Variants in GALNTL6 observed in about 807,000 individuals in gnomAD.
GALNTL6 encodes the protein polypeptide N-acetylgalactosaminyltransferase-like 6.
Under a neutral mutation model 73.7 loss-of-function variants are expected in GALNTL6, and 46 were observed. That is an observed-to-expected ratio of 0.62 (90% CI 0.49 to 0.80). The LOEUF (loss-of-function observed/expected upper bound fraction) is 0.80, where lower values mean the gene tolerates loss of function less well. GALNTL6 is among the 30% of genes least tolerant of loss of function. The pLI is 0.00. For missense variants in GALNTL6, 604 were observed against 755.0 expected (o/e 0.80, Z 2.34); for synonymous variants, 259 against 263.7 (o/e 0.98, Z 0.17).
intron 7 of GALNTL6, among the ~76,000 whole-genome samples, chr4:172,843,806 C>T (rs1743345055): frequency 6.6e-6 from 1 of 152,176 alleles, no homozygotes; most frequent in Non-Finnish European, 1.5e-5. Flanking sequence ...CACCTGCAAT[C>T]CCAGGACTTT....
At chr4:171,868,535 A>G (rs1389504983) in intron 2 of GALNTL6, among the ~76,000 whole-genome samples, 4 of 152,164 alleles carry the variant, frequency 2.6e-5, no homozygotes, top group Non-Finnish European at 5.9e-5. Flanking sequence ...TGACACAAAT[A>G]TCCAGCAGCA....
At chr4:172,494,508 G>A (rs338006) in intron 5 of GALNTL6, among the ~76,000 whole-genome samples, 150,673 of 152,294 alleles carry the variant, frequency 0.99, 74,556 homozygotes, top group Middle Eastern at 1. Flanking sequence ...ATATGAAGGG[G>A]AGTTTATTGA....
At chr4:172,627,118 T>A (rs1298231492) in intron 5 of GALNTL6, among the ~76,000 whole-genome samples, 1 of 152,152 alleles carries the variant, frequency 6.6e-6, no homozygotes, top group Non-Finnish European at 1.5e-5. Flanking sequence ...TTCAATATGA[T>A]GTTGGCTGTG....
intron 5 of GALNTL6, among the ~76,000 whole-genome samples, chr4:172,438,053 TTTCTACTAA>T (rs1204621905): frequency 6.6e-6 from 1 of 152,148 alleles, no homozygotes; most frequent in Admixed American, 6.6e-5. Context: ...TCTCCCACTA[TTTCTACTAA>T]TTGTGGTGTT....
intron 2 of GALNTL6, among the ~76,000 whole-genome samples, chr4:172,094,941 G>GT (rs1732308145): frequency 6.9e-6 from 1 of 144,300 alleles, no homozygotes. Context: ...AAATCCCATA[G>GT]TTTTTTGTTT....
intron 2 of GALNTL6, among the ~76,000 whole-genome samples, chr4:172,011,067 G>A (rs1466724271): frequency 1.3e-5 from 2 of 151,984 alleles, no homozygotes; most frequent in Admixed American, 1.3e-4. Context: ...ATTTTAATTT[G>A]CACAACAAAT....
intron 5 of GALNTL6, among the ~76,000 whole-genome samples, chr4:172,364,424 A>C (rs1317681419): frequency 6.6e-6 from 1 of 152,110 alleles, no homozygotes; most frequent in Non-Finnish European, 1.5e-5. Flanking sequence ...TCTCTAAAAC[A>C]AACAAATTAA....
chr4:172,116,754 A>G (rs920233695), intron 2 of GALNTL6, among the ~76,000 whole-genome samples: 4 of 152,212 alleles, frequency 2.6e-5, no homozygotes, highest in African/African-American at 7.2e-5. Context: ...AAAGTGCATT[A>G]CAGTTTTTAA....
At chr4:172,834,123 CAATAAA>C (rs767491122) in intron 7 of GALNTL6, among the ~76,000 whole-genome samples, 11 of 152,028 alleles carry the variant, frequency 7.2e-5, no homozygotes, top group Non-Finnish European at 1.2e-4. Context: ...ATCTCAAAAA[CAATAAA>C]AATAAAAATA....
intron 5 of GALNTL6, among the ~76,000 whole-genome samples, chr4:172,490,114 T>C (rs1200654913): frequency 6.6e-6 from 1 of 152,136 alleles, no homozygotes; most frequent in African/African-American, 2.4e-5. Context: ...CTCAGGGTTT[T>C]TAAATGGATG....
chr4:173,010,136 C>A lies in GALNTL6; in HGVS notation c.1488+842C>A, dbSNP rs1306827174. Among the ~76,000 whole-genome samples, 30 of 152,112 alleles carry A rather than the reference C, an allele frequency of 2.0e-4. 1 individual carries two copies. The highest frequency in any genetic ancestry group is 3.7e-4 in the Non-Finnish European group (25 of 68,026). The stretch of plus-strand genomic sequence containing the variant: ...TTTTGTACCCATTTAGCATCCCCAC[C>A]TCCCACTCCCCACCTCACACCCTCC... On this transcript the variant is annotated intron_variant, in intron 11 of 12. Transcript: ENST00000506823.
At chr4:172,420,577 C>T (rs1297527568) in intron 5 of GALNTL6, among the ~76,000 whole-genome samples, 1 of 152,146 alleles carries the variant, frequency 6.6e-6, no homozygotes, top group Non-Finnish European at 1.5e-5. Flanking sequence ...TGAGCCTCAA[C>T]ATGATGGTAG....
At chr4:172,084,415 GATGACCATATT>G (rs1731967579) in intron 2 of GALNTL6, among the ~76,000 whole-genome samples, 1 of 152,106 alleles carries the variant, frequency 6.6e-6, no homozygotes, top group Non-Finnish European at 1.5e-5. Context: ...ACAAGAAAAC[GATGACCATATT>G]ATGACCAACT....
At chr4:172,822,105 T>C (rs1320623401) in intron 7 of GALNTL6, among the ~76,000 whole-genome samples, 1 of 152,216 alleles carries the variant, frequency 6.6e-6, no homozygotes, top group African/African-American at 2.4e-5. Context: ...ATGTTCCCTA[T>C]GACTTTCTCC....
At chr4:172,093,529 A>G (rs1732266696) in intron 2 of GALNTL6, among the ~76,000 whole-genome samples, 1 of 152,090 alleles carries the variant, frequency 6.6e-6, no homozygotes, top group Non-Finnish European at 1.5e-5. Flanking sequence ...ACAGACTGGT[A>G]CCATGGCCTG....
chr4:172,539,888 TATA>T (rs1735485201), intron 5 of GALNTL6, among the ~76,000 whole-genome samples: 1 of 137,356 alleles, frequency 7.3e-6, no homozygotes, highest in Admixed American at 7.2e-5. Context: ...TATATATATA[TATA>T]TATATATATA....
intron 2 of GALNTL6, among the ~76,000 whole-genome samples, chr4:171,835,905 AT>A (rs1374799723): frequency 2.0e-5 from 3 of 152,052 alleles, no homozygotes; most frequent in Admixed American, 1.3e-4. Context: ...AAATAAAAAA[AT>A]ATTTTTTAAA....
intron 2 of GALNTL6, among the ~76,000 whole-genome samples, chr4:171,982,534 G>C (rs968635308): frequency 1.3e-5 from 2 of 152,004 alleles, no homozygotes; most frequent in East Asian, 3.9e-4. Context: ...TCCTGACCTC[G>C]TGATTCGCCC....
intron 5 of GALNTL6, among the ~76,000 whole-genome samples, chr4:172,384,062 T>C (rs1743379161): frequency 6.6e-6 from 1 of 152,136 alleles, no homozygotes; most frequent in South Asian, 2.1e-4. Context: ...TGTTAATGTA[T>C]AGTTTTCTTT....
Sources: gnomAD v4.1 joint callset for allele counts (sites outside exome capture counted in the v4.1 genomes callset) on GRCh38, gnomAD v4.1.1 for gene constraint, MANE v1.5 for transcripts, NCBI Gene and HGNC (gene_info 2026-07-23, HGNC 2026-07-21) for gene names.